Variants in PDLIM3 observed in about 807,000 individuals in gnomAD.
PDLIM3 encodes PDZ and LIM domain protein 3.
PDLIM3 carries 36 observed loss-of-function variants against 37.3 expected under a neutral mutation model. That is an observed-to-expected ratio of 0.97 (90% confidence interval 0.74 to 1.28). The LOEUF is 1.28. Among genes scored for constraint, PDLIM3 ranks in the 50% most tolerant of loss-of-function variants. PDLIM3 has a pLI of 0.00. For synonymous variants in PDLIM3, 174 were observed against 182.4 expected (o/e 0.95, Z 0.37); for missense variants, 454 against 485.0 (o/e 0.94, Z 0.60).
At position 185,502,971 on chromosome 4, in the gene PDLIM3, A is replaced by T. The variant is rs561996742; in HGVS notation, c.906-488T>A. ...GACCGGGCGTGGTGGCTCACGCCTG[A>T]AATCCCAGCACTTTGAGAGGCCAAG... On this transcript the variant is annotated intron_variant, in intron 7 of 7. Coordinates refer to ENST00000284767, the MANE Select transcript of PDLIM3 (RefSeq NM_014476.6). Among the ~76,000 whole-genome samples, 325 of 152,212 alleles carry T rather than the reference A, an allele frequency of 2.1e-3. 1 individual carries two copies. The highest frequency in any genetic ancestry group is 7.2e-3 in the African/African-American group (301 of 41,556).
rs1168983829 is a variant in PDLIM3, at chr4:185,535,459, C to T, written c.-25G>A. 2 of 1,562,256 alleles carry T rather than the reference C, an allele frequency of 1.3e-6. No individual in the cohort carries two copies. The highest frequency in any genetic ancestry group is 1.7e-6 in the Non-Finnish European group (2 of 1,153,708). Reference sequence around the variant, plus strand: ...TGCCGCCTTCCTCCCGCCCACCGGGCTCTAAGTGTCCCCGCGCAGGGCAGC... The same window carrying T: ...TGCCGCCTTCCTCCCGCCCACCGGGTTCTAAGTGTCCCCGCGCAGGGCAGC... On this transcript the variant is annotated 5_prime_UTR_variant, in exon 1 of 8. Coordinates refer to ENST00000284767, the MANE Select transcript of PDLIM3 (RefSeq NM_014476.6).
chr4:185,535,449 G>A lies in PDLIM3; in HGVS notation c.-15C>T, dbSNP rs1252421974. 2.5e-6 allele frequency: 4 copies of A among 1,574,460 alleles called. No individual in the cohort carries two copies. The highest frequency in any genetic ancestry group is 3.4e-6 in the Non-Finnish European group (4 of 1,161,474). On this transcript the variant is annotated 5_prime_UTR_variant, in exon 1 of 8. Coordinates refer to ENST00000284767, the MANE Select transcript of PDLIM3 (RefSeq NM_014476.6). The stretch of plus-strand genomic sequence containing the variant: ...GTCTGGGGCATGCCGCCTTCCTCCC[G>A]CCCACCGGGCTCTAAGTGTCCCCGC...
chr4:185,509,478 A>G (rs1228428027), intron 4 of PDLIM3, among the ~76,000 whole-genome samples: 1 of 152,194 alleles, frequency 6.6e-6, no homozygotes, highest in Admixed American at 6.5e-5. Context: ...AGTCATGCAC[A>G]TCGAAGAACT....
Position 185,501,195 on chromosome 4 carries a change from C to G in PDLIM3, c.*1099G>C, listed in dbSNP as rs1179838006. ...CATGTCTCAGACAGAGGATCCATGA[C>G]TCCAGGAAAGCTGAGCTGAGAGTTT... is the stretch of plus-strand genomic sequence containing the variant. On this transcript the variant is annotated 3_prime_UTR_variant, in exon 8 of 8. Transcript: ENST00000284767. The G allele has an allele frequency of 6.6e-6, 1 of 152,320 alleles. No homozygotes were observed. The highest frequency in any genetic ancestry group is 1.5e-5 in the Non-Finnish European group (1 of 68,138). The allele number at this position is 152,320 out of a possible 1,614,324, so 9.4% of individuals were successfully genotyped here.
At position 185,512,358 on chromosome 4, in the gene PDLIM3, G is replaced by C. The variant is rs144027536; in HGVS notation, c.398+1912C>G. 5.0e-3 allele frequency: 769 copies of C among 152,324 alleles called. 7 individuals are homozygous for C. Among genetic ancestry groups the C allele is most frequent in the African/African-American group, 0.017 (716 of 41,566 alleles). 9.4% of individuals were successfully genotyped at this position (152,324 alleles called of 1,614,324 possible). A position where few individuals can be genotyped will look rare whatever the true frequency, so the allele number is the denominator to read the frequency against. ...TGTCTCCCAAAGTGCTGGGATTACA[G>C]GTGTGAGCCATCGCACCAGGCCTTA... On this transcript the variant is annotated intron_variant, in intron 4 of 7. Coordinates refer to ENST00000284767, the MANE Select transcript of PDLIM3 (RefSeq NM_014476.6).
chr4:185,508,310 T>G lies in PDLIM3; in HGVS notation c.651A>C (p.Thr217=). The G allele has an allele frequency of 6.2e-7, 1 of 1,614,108 alleles. No individual in the cohort carries two copies. The highest frequency in any genetic ancestry group is 8.5e-7 in the Non-Finnish European group (1 of 1,179,972). The change falls in exon 5 of 8, where the codon ACA becomes ACC. Residue 217 remains threonine, a synonymous_variant. Transcript: ENST00000284767. The part of the protein sequence containing the change: ...QGQVSTALGE[T]PLMSEPTASV... ...GAGACTCATATTACCTCATCAAAGG[T>G]GTTTCCCCTAGGGCTGTTGAAACCT...
chr4:185,506,560 G>A lies in PDLIM3; in HGVS notation c.755C>T (p.Ser252Phe). 1 of 1,613,588 alleles carries A rather than the reference G, an allele frequency of 6.2e-7. No individual in the cohort carries two copies. ...NEPTQPRQSGSFRVLQGMVDD... is the reference protein window; with the variant it reads ...NEPTQPRQSGFFRVLQGMVDD... ...CACCATTCCCTGGAGCACTCTGAAG[G>A]AGCCCGACTGGCGAGGCTGTGTGGG... Residue 252 changes from serine (S) to phenylalanine (F), a missense_variant, in exon 6 of 8, where the codon TCC becomes TTC. By Grantham distance (155) the Ser-to-Phe change is radical. Coordinates refer to ENST00000284767, the MANE Select transcript of PDLIM3 (RefSeq NM_014476.6).
At chr4:185,503,181 G>A (rs577767372) in intron 7 of PDLIM3, among the ~76,000 whole-genome samples, 38 of 152,132 alleles carry the variant, frequency 2.5e-4, no homozygotes, top group African/African-American at 6.7e-4. Context: ...CCGAGATCGC[G>A]CCACTGCACT....
In PDLIM3 at chr4:185,514,584, A is replaced by G. The variant is rs555257820; in HGVS notation, c.331-247T>C. ...TTAGATGCTTGTCTTTAAAAGAGAA[A>G]TCTGATAGTGCCTTCAGGAAAGTAA... On this transcript the variant is annotated intron_variant, in intron 3 of 7. Transcript: ENST00000284767. The surrounding 1 kb of genome is among the most constrained non-coding windows in gnomAD (Gnocchi z 4.0). 4.7e-5 allele frequency: 60 copies of G among 1,265,058 alleles called. No homozygotes were observed. The Middle Eastern group carries it at 9.2e-4, about 19-fold the overall frequency. The allele number at this position is 1,265,058 out of a possible 1,614,324, so 78.4% of individuals were successfully genotyped here.
rs149361007 is a variant in PDLIM3 at position 185,528,768 on chromosome 4, G to C, written c.94-3597C>G. 5.3e-4 allele frequency among the ~76,000 whole-genome samples: 81 copies of C among 152,318 alleles called. 1 individual carries two copies. The highest frequency in any genetic ancestry group is 1.8e-3 in the African/African-American group (73 of 41,584). ...CAGTTGATGAGAAAAAGGAAATAGA[G>C]AGAGGAATGAGAGAGAAGGAGAAAA... On this transcript the variant is annotated intron_variant, in intron 1 of 7. Coordinates refer to ENST00000284767, the MANE Select transcript of PDLIM3 (RefSeq NM_014476.6).
At chr4:185,528,356 C>A (rs1253912051) in intron 1 of PDLIM3, among the ~76,000 whole-genome samples, 1 of 152,116 alleles carries the variant, frequency 6.6e-6, no homozygotes, top group Non-Finnish European at 1.5e-5. Flanking sequence ...TAGAGCCATA[C>A]CCCTGATATT....
At chr4:185,524,902 GT>G in intron 2 of PDLIM3, 117 bp downstream of exon 2, 1 of 962,562 alleles carries the variant, frequency 1.0e-6, no homozygotes, top group South Asian at 1.3e-5. Context: ...TATATAAAAA[GT>G]CAGCCAAAAT....
chr4:185,505,306 T>C (rs531591593), intron 6 of PDLIM3, among the ~76,000 whole-genome samples: 1 of 152,338 alleles, frequency 6.6e-6, no homozygotes, highest in East Asian at 1.9e-4. Flanking sequence ...TTTTCCCTCT[T>C]TGGGCTATTG....
At chr4:185,507,993 A>ACAT (rs2095700585) in intron 5 of PDLIM3, among the ~76,000 whole-genome samples, 1 of 152,116 alleles carries the variant, frequency 6.6e-6, no homozygotes, top group South Asian at 2.1e-4. Flanking sequence ...CTTTCGAGAG[A>ACAT]CATATACATT....
intron 1 of PDLIM3, among the ~76,000 whole-genome samples, chr4:185,529,037 G>A (rs1399288634): frequency 1.3e-5 from 2 of 152,136 alleles, no homozygotes; most frequent in African/African-American, 2.4e-5. Context: ...GTTTGTCAGC[G>A]GATTATTTTT....
chr4:185,530,387 G>C (rs2153339379), intron 1 of PDLIM3, among the ~76,000 whole-genome samples: 1 of 152,256 alleles, frequency 6.6e-6, no homozygotes, highest in East Asian at 1.9e-4. Flanking sequence ...GTACAAATTA[G>C]GAACACACTA....
At chr4:185,520,000 G>T (rs975819913) in intron 3 of PDLIM3, among the ~76,000 whole-genome samples, 1 of 152,112 alleles carries the variant, frequency 6.6e-6, no homozygotes, top group African/African-American at 2.4e-5. Context: ...AAAAGAAAAA[G>T]ACATCTTTTT....
intron 1 of PDLIM3, among the ~76,000 whole-genome samples, chr4:185,531,241 A>G (rs2095743989): frequency 1.3e-5 from 2 of 152,254 alleles, no homozygotes; most frequent in African/African-American, 4.8e-5. Context: ...CACTTGAAGA[A>G]GTGAACCTTC....
At position 185,504,435 on chromosome 4, in the gene PDLIM3, A is replaced by C. The variant is rs2095693040; in HGVS notation, c.905+40T>G. 6.7e-7 allele frequency: 1 copy of C among 1,502,010 alleles called. No individual in the cohort carries two copies. The highest frequency in any genetic ancestry group is 1.4e-5 in the African/African-American group (1 of 72,692). 93.0% of individuals were successfully genotyped at this position (1,502,010 alleles called of 1,614,324 possible). On this transcript the variant is annotated intron_variant, in intron 7 of 7. Transcript: ENST00000284767. This position sits in a 1 kb window ranked among gnomAD's most constrained non-coding sequence, Gnocchi z 4.7. The stretch of plus-strand genomic sequence containing the variant: ...AAAGGAGAAGAAATGAACTGTCGCC[A>C]AGCTGTATCGTAAATTCCAGGGTTA...
Sources: allele counts gnomAD v4.1 joint callset (sites outside exome capture counted in the v4.1 genomes callset), GRCh38; gene constraint gnomAD v4.1.1; non-coding constraint Gnocchi (gnomAD v3.1); transcripts MANE v1.5; gene names NCBI Gene and HGNC (gene_info 2026-07-23, HGNC 2026-07-21).